The following PTPRM variants were observed in gnomAD, a reference collection of about 807,000 sequenced individuals.
PTPRM encodes receptor-type tyrosine-protein phosphatase mu.
Under a neutral mutation model 186.7 loss-of-function variants are expected in PTPRM, and 47 were observed. The observed-to-expected ratio is 0.25, with a 90% CI of 0.20 to 0.32. The LOEUF is 0.32. PTPRM is among the 10% of genes least tolerant of loss of function. The pLI is 1.00. For synonymous variants in PTPRM, 668 were observed against 674.9 expected (o/e 0.99, Z 0.16); for missense variants, 1,494 against 1,865.0 (o/e 0.80, Z 3.66).
chr18:7,820,652 A>G (rs2045136289), intron 2 of PTPRM, among the ~76,000 whole-genome samples: 1 of 152,004 alleles, frequency 6.6e-6, no homozygotes, highest in Non-Finnish European at 1.5e-5. Flanking sequence ...TCTTCAGTTC[A>G]GAAATGTTTC....
At chr18:7,747,940 G>T (rs1299579460) in intron 1 of PTPRM, among the ~76,000 whole-genome samples, 3 of 152,196 alleles carry the variant, frequency 2.0e-5, no homozygotes, top group Non-Finnish European at 4.4e-5. Context: ...GCCTGTATTT[G>T]AGGATTATCT....
intron 1 of PTPRM, among the ~76,000 whole-genome samples, chr18:7,685,188 G>T (rs990375365): frequency 6.6e-6 from 1 of 152,170 alleles, no homozygotes; most frequent in Admixed American, 6.5e-5. Context: ...CACCACCAGG[G>T]TCATCTCAGA....
intron 1 of PTPRM, among the ~76,000 whole-genome samples, chr18:7,754,310 C>T (rs1221990229): frequency 6.6e-6 from 1 of 152,136 alleles, no homozygotes. Flanking sequence ...GTGCAATTAC[C>T]CGACATTTCC....
chr18:8,279,526 G>C (rs1261038741), intron 19 of PTPRM, among the ~76,000 whole-genome samples: 1 of 152,178 alleles, frequency 6.6e-6, no homozygotes, highest in Non-Finnish European at 1.5e-5. Flanking sequence ...ACTTGACGCT[G>C]TGTCTTGAAG....
At chr18:7,743,135 A>G (rs573270510) in intron 1 of PTPRM, among the ~76,000 whole-genome samples, 10 of 152,352 alleles carry the variant, frequency 6.6e-5, no homozygotes, top group African/African-American at 2.2e-4. Context: ...CTCAATAGAA[A>G]GGAAAAAGTC....
chr18:8,154,008 A>G (rs574279408), intron 14 of PTPRM, among the ~76,000 whole-genome samples: 2 of 152,158 alleles, frequency 1.3e-5, no homozygotes, highest in Admixed American at 1.3e-4. Context: ...CGCATTTGCT[A>G]TTCTAGAAGT....
chr18:7,915,225 A>T (rs1212785290), intron 4 of PTPRM, among the ~76,000 whole-genome samples: 2 of 152,158 alleles, frequency 1.3e-5, no homozygotes, highest in East Asian at 1.9e-4. Flanking sequence ...GGAGGGTTGT[A>T]CTAAGAACAT....
intron 20 of PTPRM, among the ~76,000 whole-genome samples, chr18:8,301,898 A>G (rs2095161862): frequency 6.6e-6 from 1 of 152,220 alleles, no homozygotes; most frequent in African/African-American, 2.4e-5. Flanking sequence ...TGAGATGCCA[A>G]CCAGGACTTG....
At chr18:8,092,465 G>C (rs1214248640) in intron 11 of PTPRM, among the ~76,000 whole-genome samples, 15 of 152,138 alleles carry the variant, frequency 9.9e-5, no homozygotes, top group Admixed American at 9.8e-4. Flanking sequence ...CCAGGCTAGA[G>C]TATAGTGGTG....
chr18:8,247,084 A>G (rs543253964), intron 15 of PTPRM, among the ~76,000 whole-genome samples: 1 of 145,248 alleles, frequency 6.9e-6, no homozygotes, highest in South Asian at 2.2e-4. Flanking sequence ...TAAAAACACT[A>G]ATCAATTAAT....
At chr18:7,747,305 T>C (rs2041015645) in intron 1 of PTPRM, among the ~76,000 whole-genome samples, 1 of 152,166 alleles carries the variant, frequency 6.6e-6, no homozygotes, top group South Asian at 2.1e-4. Context: ...CATGGCTTGT[T>C]TGTCTGTCCA....
At chr18:7,802,469 A>C (rs1363100513) in intron 2 of PTPRM, among the ~76,000 whole-genome samples, 1 of 152,164 alleles carries the variant, frequency 6.6e-6, no homozygotes, top group Non-Finnish European at 1.5e-5. Context: ...CCACTGAGAC[A>C]TGGGGACAGA....
At chr18:7,823,011 G>A (rs910222562) in intron 2 of PTPRM, among the ~76,000 whole-genome samples, 1 of 152,042 alleles carries the variant, frequency 6.6e-6, no homozygotes, top group Admixed American at 6.6e-5. Context: ...CACCCCTCTT[G>A]GCACTCAGAA....
intron 1 of PTPRM, among the ~76,000 whole-genome samples, chr18:7,743,318 A>G (rs1469984467): frequency 6.6e-6 from 1 of 152,236 alleles, no homozygotes; most frequent in East Asian, 1.9e-4. Context: ...TGCTTGCTAC[A>G]GTGTATCATG....
chr18:7,947,103 T>C (rs934955147), intron 5 of PTPRM: 1 of 433,776 alleles, frequency 2.3e-6, no homozygotes, highest in Non-Finnish European at 4.6e-6. Context: ...CCTGCACTCT[T>C]AAGTCATATT....
At position 8,244,052 on chromosome 18, in the gene PTPRM, C is replaced by T. The variant is rs558412164; in HGVS notation, c.2301-6C>T. On this transcript the variant is annotated splice_polypyrimidine_tract_variant and splice_region_variant and intron_variant, in intron 14 of 32. Coordinates refer to ENST00000580170, the MANE Select transcript of PTPRM (RefSeq NM_001105244.2). The stretch of plus-strand genomic sequence containing the variant: ...ATGCCTACATAATTGAATTCTTTAT[C>T]CTAAGGAAACTGGCCAAGAAGCGGA... 1.2e-6 allele frequency: 2 copies of T among 1,606,804 alleles called. No individual in the cohort carries two copies. Among genetic ancestry groups the T allele is most frequent in the African/African-American group, 2.7e-5 (2 of 74,528 alleles).
At chr18:8,366,444 C>T (rs940406586) in intron 23 of PTPRM, among the ~76,000 whole-genome samples, 1 of 152,218 alleles carries the variant, frequency 6.6e-6, no homozygotes, top group Non-Finnish European at 1.5e-5. Flanking sequence ...ACTTTGATAA[C>T]GGCTGCTGTA....
chr18:7,769,456 A>G (rs190465353), intron 1 of PTPRM, among the ~76,000 whole-genome samples: 26 of 152,308 alleles, frequency 1.7e-4, no homozygotes, highest in Admixed American at 1.4e-3. Flanking sequence ...ATATTATTTT[A>G]TAGATACTGT....
chr18:7,972,254 T>G (rs1298601968), intron 7 of PTPRM, among the ~76,000 whole-genome samples: 4 of 129,170 alleles, frequency 3.1e-5, no homozygotes, highest in Non-Finnish European at 6.1e-5. Flanking sequence ...AGGTGGGAAT[T>G]GAACAATGAG....
Sources: allele counts gnomAD v4.1 joint callset (sites outside exome capture counted in the v4.1 genomes callset), GRCh38; gene constraint gnomAD v4.1.1; transcripts MANE v1.5; gene names NCBI Gene and HGNC (gene_info 2026-07-23, HGNC 2026-07-21).